PXYLP1: variants seen among roughly 807,000 people sequenced by gnomAD.
PXYLP1 encodes the protein acid phosphatase-like 2.
In PXYLP1, 17 loss-of-function variants were observed where a neutral mutation model predicts 37.9. That is an observed-to-expected ratio of 0.45 (90% CI 0.31 to 0.67). The LOEUF is 0.67. Among genes scored for constraint, PXYLP1 ranks in the 30% least tolerant of loss-of-function variants. The pLI, the probability that PXYLP1 is intolerant of heterozygous loss-of-function variation, is 0.07. For synonymous variants in PXYLP1, 221 were observed against 232.2 expected (o/e 0.95, Z 0.44); for missense variants, 511 against 612.0 (o/e 0.84, Z 1.74).
chr3:141,239,758 A>G (rs1315743864), intron 1 of PXYLP1, among the ~76,000 whole-genome samples: 1 of 152,190 alleles, frequency 6.6e-6, no homozygotes, highest in African/African-American at 2.4e-5. Flanking sequence ...CCCAATGCTC[A>G]CACTCTCCTG....
chr3:141,282,629 A>G (rs1175788263), intron 4 of PXYLP1, among the ~76,000 whole-genome samples: 1 of 152,206 alleles, frequency 6.6e-6, no homozygotes, highest in Non-Finnish European at 1.5e-5. Flanking sequence ...TAGGACAGTG[A>G]CTGACATATG....
chr3:141,266,642 A>ATGG (rs113152676), intron 2 of PXYLP1, among the ~76,000 whole-genome samples: 7,696 of 139,042 alleles, frequency 0.055, 320 homozygotes, highest in East Asian at 0.17. Context: ...AGAGGGAGAG[A>ATGG]CAGAGGGAGA....
At chr3:141,232,162 C>A (rs1940531343) in intron 1 of PXYLP1, among the ~76,000 whole-genome samples, 1 of 152,112 alleles carries the variant, frequency 6.6e-6, no homozygotes. Context: ...CTGCCACTCC[C>A]CCCGTGCGCC....
At chr3:141,256,964 A>C (rs1407751151) in intron 1 of PXYLP1, among the ~76,000 whole-genome samples, 4 of 152,192 alleles carry the variant, frequency 2.6e-5, no homozygotes, top group South Asian at 2.1e-4. Flanking sequence ...TGCAGACTAG[A>C]AGCAGTCAGG....
At position 141,239,917 on chromosome 3, in the gene PXYLP1, T is replaced by C. The variant is rs1576573506; in HGVS notation, c.-54+8006T>C. Among the ~76,000 whole-genome samples the C allele has an allele frequency of 2.6e-5, 4 of 152,254 alleles. No individual in the cohort carries two copies. In the South Asian group the frequency reaches 8.3e-4, roughly 31 times the overall value. On this transcript the variant is annotated intron_variant, in intron 1 of 5. Coordinates refer to ENST00000286353, the MANE Select transcript of PXYLP1 (RefSeq NM_001037172.3). ...AAGCTTTGGCCTTTAGCACAAGGAC[T>C]GGCATGAAACAGGCCTCAATAAAAG... is the stretch of plus-strand genomic sequence containing the variant.
chr3:141,273,043 C>T, intron 2 of PXYLP1: 1 of 985,104 alleles, frequency 1.0e-6, no homozygotes, highest in South Asian at 4.7e-5. Context: ...CATACCTGCA[C>T]CCCCCAACCA....
rs1056915118 is a variant in PXYLP1, at chr3:141,294,295, T to C, written c.*1090T>C. 1 of 152,228 alleles carries C rather than the reference T, an allele frequency of 6.6e-6. No homozygotes were observed. The highest frequency in any genetic ancestry group is 2.4e-5 in the African/African-American group (1 of 41,458). 9.4% of individuals were successfully genotyped at this position (152,228 alleles called of 1,614,324 possible). ...GATGAATTCAGGCACTTTCTTCCAA[T>C]AAAACTAATTATGGCTCATTCCCTT... On this transcript the variant is annotated 3_prime_UTR_variant, in exon 6 of 6. Transcript: ENST00000286353.
At chr3:141,245,429 A>G (rs1940913183) in intron 1 of PXYLP1, among the ~76,000 whole-genome samples, 1 of 152,156 alleles carries the variant, frequency 6.6e-6, no homozygotes, top group Admixed American at 6.5e-5. Context: ...ATGCATAACT[A>G]TACATATTGA....
intron 1 of PXYLP1, among the ~76,000 whole-genome samples, chr3:141,239,747 G>A (rs1327948710): frequency 6.6e-6 from 1 of 152,218 alleles, no homozygotes; most frequent in Non-Finnish European, 1.5e-5. Context: ...CCAGCCCACT[G>A]CCCAATGCTC....
chr3:141,281,874 A>G (rs1941964462), intron 4 of PXYLP1, among the ~76,000 whole-genome samples: 1 of 152,148 alleles, frequency 6.6e-6, no homozygotes, highest in Non-Finnish European at 1.5e-5. Context: ...TCAAGCGTGG[A>G]GTGGAAAACT....
chr3:141,256,395 G>A (rs1014868878), intron 1 of PXYLP1, among the ~76,000 whole-genome samples: 6 of 152,176 alleles, frequency 3.9e-5, no homozygotes, highest in South Asian at 2.1e-4. Context: ...TTGGAGCCTC[G>A]TCCTTTACAC....
At chr3:141,285,272 G>A (rs920203581) in intron 4 of PXYLP1, among the ~76,000 whole-genome samples, 21 of 147,416 alleles carry the variant, frequency 1.4e-4, no homozygotes, top group African/African-American at 5.1e-4. Flanking sequence ...TTAGCCTCCT[G>A]AGTGGCTGAG....
chr3:141,276,742 G>A (rs1053061709), intron 2 of PXYLP1, among the ~76,000 whole-genome samples: 14 of 152,118 alleles, frequency 9.2e-5, no homozygotes, highest in African/African-American at 2.7e-4. Context: ...AAACACTCCC[G>A]AGAGGTGCCG....
intron 2 of PXYLP1, among the ~76,000 whole-genome samples, chr3:141,265,046 AAGC>A (rs1941473119): frequency 1.3e-5 from 2 of 152,158 alleles, no homozygotes; most frequent in Non-Finnish European, 2.9e-5. Context: ...CCTTTAAAGA[AAGC>A]AGGAGTGGTC....
At position 141,247,365 on chromosome 3, in the gene PXYLP1, CCTT is replaced by C. The variant is rs1438057411; in HGVS notation, c.-53-12754_-53-12752del. On this transcript the variant is annotated intron_variant, in intron 1 of 5. Coordinates refer to ENST00000286353, the MANE Select transcript of PXYLP1 (RefSeq NM_001037172.3). ...TAATGGGAAGATTACAGAAGACAGT[CCTT>C]CTTGGAAAACAAGATTTTAAAATTA... Among the ~76,000 whole-genome samples, 7 of 152,212 alleles carry C rather than the reference CCTT, an allele frequency of 4.6e-5. No individual in the cohort carries two copies. The South Asian group carries it at 8.3e-4, about 18-fold the overall frequency.
At chr3:141,283,001 T>C (rs969672673) in intron 4 of PXYLP1, among the ~76,000 whole-genome samples, 1 of 151,938 alleles carries the variant, frequency 6.6e-6, no homozygotes, top group African/African-American at 2.4e-5. Flanking sequence ...AGAGTCTCGC[T>C]CTGTCACTAG....
In PXYLP1 at chr3:141,293,235, A is replaced by AT; in HGVS notation, c.*31dup. The stretch of plus-strand genomic sequence containing the variant: ...TATGCAGTACAGCAGTATAGAATCC[A>AT]TGCCAATACAGAGCATAGGGAAAGG... On this transcript the variant is annotated 3_prime_UTR_variant, in exon 6 of 6. Coordinates refer to ENST00000286353, the MANE Select transcript of PXYLP1 (RefSeq NM_001037172.3). 6.3e-7 allele frequency: 1 copy of AT among 1,578,826 alleles called. No individual in the cohort carries two copies.
rs1334482326 is a variant in PXYLP1, at chr3:141,292,125, G to A, written c.506-143G>A. The A allele has an allele frequency of 1.3e-6, 1 of 776,694 alleles. No homozygotes were observed. 48.1% of individuals were successfully genotyped at this position (776,694 alleles called of 1,614,324 possible). On this transcript the variant is annotated intron_variant, in intron 5 of 5. Transcript: ENST00000286353. The surrounding 1 kb of genome is among the most constrained non-coding windows in gnomAD (Gnocchi z 4.3). ...CACAAGCTGTTGTGAACTCGAGCTT[G>A]TAACTTCCACACCATGGGGAAACAG... is the stretch of plus-strand genomic sequence containing the variant.
chr3:141,247,551 A>G (rs558337207), intron 1 of PXYLP1, among the ~76,000 whole-genome samples: 7 of 152,288 alleles, frequency 4.6e-5, no homozygotes, highest in Non-Finnish European at 8.8e-5. Context: ...TGATATGGCA[A>G]TCTGTGGTTC....
Sources: allele counts gnomAD v4.1 joint callset (sites outside exome capture counted in the v4.1 genomes callset), GRCh38; gene constraint gnomAD v4.1.1; non-coding constraint Gnocchi (gnomAD v3.1); transcripts MANE v1.5; gene names NCBI Gene and HGNC (gene_info 2026-07-23, HGNC 2026-07-21).